OS9: variants seen among roughly 807,000 people sequenced by gnomAD.
The protein encoded by OS9 is protein OS-9.
Under a neutral mutation model 84.7 loss-of-function variants are expected in OS9, and 58 were observed. The observed-to-expected ratio is 0.68, with a 90% CI of 0.55 to 0.85. The LOEUF (loss-of-function observed/expected upper bound fraction) is 0.85. Ranked by LOEUF, OS9 falls within the 40% of genes least tolerant of loss-of-function variation. The pLI is 0.00. For synonymous variants in OS9, 278 were observed against 320.8 expected, an observed-to-expected ratio of 0.87 and a Z score of 1.43; for missense variants, 760 against 850.9, an observed-to-expected ratio of 0.89 and a Z score of 1.33.
chr12:57,694,955 G>C (rs1565763830), intron 2 of OS9, 29 bp downstream of exon 2: 1 of 1,607,286 alleles, frequency 6.2e-7, no homozygotes, highest in Admixed American at 1.7e-5. Context: ...GATAGAATGA[G>C]GGCTTGGAAA....
At chr12:57,705,788 G>T (rs1043334652) in intron 5 of OS9, among the ~76,000 whole-genome samples, 6 of 152,234 alleles carry the variant, frequency 3.9e-5, no homozygotes, top group Middle Eastern at 3.4e-3. Flanking sequence ...CTACTAAAGT[G>T]CTGGGATTAC....
chr12:57,720,070 G>A (rs1161240998), intron 12 of OS9, 29 bp from the exon 13 acceptor site: 3 of 1,608,964 alleles, frequency 1.9e-6, no homozygotes, highest in Non-Finnish European at 1.7e-6. Flanking sequence ...CCTCTGCTTT[G>A]TGTTTCCCTG....
rs1565767045 is a variant in OS9, at chr12:57,697,913, ACACACACACATACACACACACAC to A, written c.579+1541_579+1563del. 1.0e-3 allele frequency among the ~76,000 whole-genome samples: 127 copies of A among 124,478 alleles called. 2 individuals carry two copies. The East Asian group carries it at 0.012, about 11-fold the overall frequency. 81.7% of individuals were successfully genotyped at this position (124,478 alleles called of 152,430 possible). A position where few individuals can be genotyped will look rare whatever the true frequency, so the allele number is the denominator to read the frequency against. Reference sequence around the variant, plus strand: ...CACGGAACCTAACATAAGCAAACACACACACACACATACACACACACACACACACACACACACACACACACACA... The same window carrying A: ...CACGGAACCTAACATAAGCAAACACAACACACACACACACACACACACACA... On this transcript the variant is annotated intron_variant, in intron 5 of 14. Transcript: ENST00000315970.
intron 10 of OS9, 31 bp from the exon 11 acceptor site, chr12:57,718,115 C>T (rs781691994): frequency 1.4e-5 from 22 of 1,602,622 alleles, no homozygotes; most frequent in Non-Finnish European, 1.7e-5. Flanking sequence ...GAAACCCCAA[C>T]TGTCTTTCTC....
intron 2 of OS9, chr12:57,695,149 A>G: frequency 1.8e-6 from 1 of 562,400 alleles, no homozygotes; most frequent in Non-Finnish European, 3.2e-6. Flanking sequence ...ATCTCAGAAA[A>G]GGGCTAAAGC....
Position 57,694,207 on chromosome 12 carries a change from C to G in OS9, c.46C>G (p.Leu16Val), listed in dbSNP as rs558795850. ...GTCCAGTTTGTTAGGACTGCTGCTTCTGGGACTCCTGTTACCCGCAAGTCT... is the reference window on the plus strand; with the variant it reads ...GTCCAGTTTGTTAGGACTGCTGCTTGTGGGACTCCTGTTACCCGCAAGTCT... ...LLSSLLGLLL[L>V]GLLLPASLTG... The change falls in exon 1 of 15, where the codon CTG becomes GTG. Residue 16 changes from leucine to valine, a missense_variant. By Grantham distance (32) the Leu-to-Val change is conservative. Coordinates refer to ENST00000315970, the MANE Select transcript of OS9 (RefSeq NM_006812.4). The G allele has an allele frequency of 6.2e-7, 1 of 1,614,166 alleles. No homozygotes were observed. Among genetic ancestry groups the G allele is most frequent in the Non-Finnish European group, 8.5e-7 (1 of 1,180,026 alleles).
intron 5 of OS9, 164 bp from the exon 6 acceptor site, chr12:57,715,596 A>G (rs117978598): frequency 0.017 from 8,892 of 534,138 alleles, 106 homozygotes; most frequent in Non-Finnish European, 0.02. Flanking sequence ...ATATCGCCTC[A>G]CTGGGTCTTT....
At position 57,701,476 on chromosome 12, in the gene OS9, A is replaced by G. The variant is rs1030532688; in HGVS notation, c.579+5103A>G. ...TTTTTAGTAGGGAAGGGGTTTCACC[A>G]TGTTGGCCAGGCTGGTCTTGAACTC... is the stretch of plus-strand genomic sequence containing the variant. On this transcript the variant is annotated intron_variant, in intron 5 of 14. Coordinates refer to ENST00000315970, the MANE Select transcript of OS9 (RefSeq NM_006812.4). Among the ~76,000 whole-genome samples, 20 of 151,978 alleles carry G rather than the reference A, an allele frequency of 1.3e-4. No individual in the cohort carries two copies. The East Asian group carries it at 3.7e-3, about 28-fold the overall frequency.
intron 5 of OS9, among the ~76,000 whole-genome samples, chr12:57,699,556 A>G (rs1953960131): frequency 6.6e-6 from 1 of 152,222 alleles, no homozygotes; most frequent in African/African-American, 2.4e-5. Flanking sequence ...CCTTCAAGGA[A>G]GAGGAGGATT....
intron 11 of OS9, 96 bp from the exon 12 acceptor site, chr12:57,718,897 C>G (rs1954591639): frequency 1.1e-6 from 1 of 879,446 alleles, no homozygotes; most frequent in South Asian, 1.6e-5. Flanking sequence ...AAGCAAAACT[C>G]CATTTCAAAA....
At position 57,717,905 on chromosome 12, in the gene OS9, A is replaced by C; in HGVS notation, c.1081A>C (p.Ser361Arg). ...CAACGTGCAGGTCAAAGTCATTCGA[A>C]GCCCTGCGGATTTGATTCGATTCAT... ...QNNVQVKVIR[S>R]PADLIRFIEE... Residue 361 changes from serine (S) to arginine (R), a missense_variant, in exon 10 of 15, where the codon AGC becomes CGC. Physicochemically the swap from Ser to Arg is moderately radical, Grantham distance 110. Transcript: ENST00000315970. The C allele has an allele frequency of 6.2e-7, 1 of 1,613,038 alleles. No homozygotes were observed. Among genetic ancestry groups the C allele is most frequent in the Middle Eastern group, 1.7e-4 (1 of 6,052 alleles).
At chr12:57,714,554 T>C (rs1209899974) in intron 5 of OS9, among the ~76,000 whole-genome samples, 2 of 151,916 alleles carry the variant, frequency 1.3e-5, no homozygotes, top group Non-Finnish European at 2.9e-5. Flanking sequence ...CCCTGTGGAG[T>C]GTGCGAAATC....
chr12:57,695,231 A>G (rs1953790114), intron 2 of OS9: 3 of 438,228 alleles, frequency 6.8e-6, no homozygotes, highest in Non-Finnish European at 1.3e-5. Flanking sequence ...CCCCTGCCCT[A>G]TCACTCTGCT....
chr12:57,695,963 T>C lies in OS9; in HGVS notation c.405T>C (p.Asp135=). 5.0e-6 allele frequency: 8 copies of C among 1,612,384 alleles called. No individual in the cohort carries two copies. Among genetic ancestry groups the C allele is most frequent in the Non-Finnish European group, 6.8e-6 (8 of 1,178,392 alleles). Residue 135 remains aspartate (D), a splice_region_variant and synonymous_variant, in exon 4 of 15, where the codon GAT becomes GAC. Transcript: ENST00000315970. The part of the protein sequence containing the change: ...GRHIQQYHME[D]SEIKGEVLYL... ...GCTTCACTGTGGCTTCCCTTGCAGA[T>C]TCAGAGATCAAAGGTGAAGTCCTCT... is the stretch of plus-strand genomic sequence containing the variant.
At position 57,720,234 on chromosome 12, in the gene OS9, T is replaced by C; in HGVS notation, c.1736T>C (p.Leu579Pro). The C allele has an allele frequency of 1.2e-6, 2 of 1,614,052 alleles. No homozygotes were observed. Among genetic ancestry groups the C allele is most frequent in the African/African-American group, 1.3e-5 (1 of 75,054 alleles). The stretch of plus-strand genomic sequence containing the variant: ...CAAATCGAGGGGCTGGTGAAGGAGC[T>C]GCTGGAGAGGGAGGGACTCACAGCT... ...LKQIEGLVKE[L>P]LEREGLTAAG... is the part of the protein sequence containing the mutation. Residue 579 changes from leucine (L) to proline (P), a missense_variant, in exon 13 of 15, where the codon CTG (leucine) becomes CCG (proline). Transcript: ENST00000315970.
chr12:57,707,974 T>A (rs921291299), intron 5 of OS9, among the ~76,000 whole-genome samples: 1 of 150,446 alleles, frequency 6.6e-6, no homozygotes, highest in Non-Finnish European at 1.5e-5. Context: ...GTGCCTGTGG[T>A]CCCAGCTACT....
chr12:57,704,981 G>T (rs1664036968), intron 5 of OS9, among the ~76,000 whole-genome samples: 1 of 152,086 alleles, frequency 6.6e-6, no homozygotes, highest in African/African-American at 2.4e-5. Flanking sequence ...TTCCACAGTT[G>T]CCCCAGCACT....
In OS9 at chr12:57,716,711, GA is replaced by G; in HGVS notation, c.1013del (p.Glu338GlyfsTer28). The G allele has an allele frequency of 6.2e-7, 1 of 1,614,100 alleles. No homozygotes were observed. The highest frequency in any genetic ancestry group is 8.5e-7 in the Non-Finnish European group (1 of 1,179,972). On this transcript the variant is annotated frameshift_variant, in exon 9 of 15. Transcript: ENST00000315970. LOFTEE classifies it high-confidence loss of function. The stretch of plus-strand genomic sequence containing the variant: ...TCGTCAGGAGCAGGACCCAAGCCCT[GA>G]GGCAGCAGATTCAGCTTCTGGTGCT... ...VPAEEQDPSP[E>X]AADSASGAPN... is the part of the protein sequence containing the mutation.
At chr12:57,719,267 C>T in intron 12 of OS9, 85 bp downstream of exon 12, 1 of 1,202,914 alleles carries the variant, frequency 8.3e-7, no homozygotes, top group East Asian at 2.4e-5. Context: ...GACCCTGTTC[C>T]TTCCCTTCTG....
Sources: gnomAD v4.1 joint callset for allele counts (sites outside exome capture counted in the v4.1 genomes callset) on GRCh38, gnomAD v4.1.1 for gene constraint, MANE v1.5 for transcripts, NCBI Gene and HGNC (gene_info 2026-07-23, HGNC 2026-07-21) for gene names.